Variants in KCNQ2 observed in about 807,000 individuals in gnomAD.
The protein encoded by KCNQ2 is potassium voltage-gated channel subfamily KQT member 2.
A neutral mutation model predicts 84.8 loss-of-function variants in KCNQ2; 14 were observed. The ratio of observed to expected loss-of-function variants is 0.17; its 90% CI spans 0.11 to 0.26. The LOEUF is 0.26. Among genes scored for constraint, KCNQ2 ranks in the 10% least tolerant of loss-of-function variants. KCNQ2 has a pLI of 1.00. For synonymous variants in KCNQ2, 599 were observed against 554.1 expected (o/e 1.08, Z -1.14); for missense variants, 788 against 1,254.0 (o/e 0.63, Z 5.61).
At chr20:63,456,726 C>T (rs1398904211) in intron 1 of KCNQ2, among the ~76,000 whole-genome samples, 1 of 152,216 alleles carries the variant, frequency 6.6e-6, no homozygotes, top group Non-Finnish European at 1.5e-5. Flanking sequence ...CAGAGGCCCA[C>T]GTGCGGATTG....
In KCNQ2 at chr20:63,400,443, G is replaced by C; in HGVS notation, c.*6201C>G. The C allele has an allele frequency of 2.5e-6, 1 of 397,122 alleles. No homozygotes were observed. Among genetic ancestry groups the C allele is most frequent in the Non-Finnish European group, 4.4e-6 (1 of 225,674 alleles). 24.6% of individuals were successfully genotyped at this position (397,122 alleles called of 1,614,324 possible). A position where few individuals can be genotyped will look rare whatever the true frequency, so the allele number is the denominator to read the frequency against. On this transcript the variant is annotated 3_prime_UTR_variant, in exon 17 of 17. Coordinates refer to ENST00000359125, the MANE Select transcript of KCNQ2 (RefSeq NM_172107.4). This position sits in a 1 kb window ranked among gnomAD's most constrained non-coding sequence, Gnocchi z 8.7. ...TTAGAAAACTAGAGTTCATTCCCTG[G>C]GCGTCTATCCCTAGAAAATGGACGG...
In KCNQ2 at chr20:63,436,934, G is replaced by A. The variant is rs142435747; in HGVS notation, c.1023+1691C>T. ...TGGGATTACAGGCGTGTGCCACCAC[G>A]CCCAGCTAATTTTTTTGTATTTTTA... is the stretch of plus-strand genomic sequence containing the variant. On this transcript the variant is annotated intron_variant, in intron 7 of 16. Transcript: ENST00000359125. Among the ~76,000 whole-genome samples the A allele has an allele frequency of 9.9e-3, 1,498 of 152,008 alleles. 29 individuals carry two copies. Among genetic ancestry groups the A allele is most frequent in the African/African-American group, 0.034 (1,404 of 41,414 alleles).
rs768000134 is a variant in KCNQ2, at chr20:63,415,119, C to T, written c.1309G>A (p.Val437Ile). The T allele has an allele frequency of 6.3e-7, 1 of 1,594,770 alleles. No individual in the cohort carries two copies. The change falls in exon 13 of 17, where the codon GTC (valine) becomes ATC (isoleucine). Residue 437 changes from valine to isoleucine, a missense_variant. By Grantham distance (29) the Val-to-Ile change is conservative. Coordinates refer to ENST00000359125, the MANE Select transcript of KCNQ2 (RefSeq NM_172107.4). ...GAGAAGACACGATCTTTCAAACTGA[C>T]CTTCTGGCTGCTCCCACGGGAACCG... ...GCCPGRSSQK[V>I]SLKDRVFSSP...
chr20:63,458,613 C>T (rs1403137313), intron 1 of KCNQ2, among the ~76,000 whole-genome samples: 2 of 152,232 alleles, frequency 1.3e-5, no homozygotes, highest in Non-Finnish European at 2.9e-5. Context: ...CCTGACCGAG[C>T]ACTGTCCCCC....
At chr20:63,418,411 T>C (rs1012931910) in intron 12 of KCNQ2, among the ~76,000 whole-genome samples, 1 of 152,170 alleles carries the variant, frequency 6.6e-6, no homozygotes. Context: ...AACAGGAGGC[T>C]GAGGAGCATC....
At chr20:63,430,097 G>C (rs1355978880) in intron 9 of KCNQ2, among the ~76,000 whole-genome samples, 1 of 152,228 alleles carries the variant, frequency 6.6e-6, no homozygotes, top group Non-Finnish European at 1.5e-5. Context: ...GCCCAGGTGA[G>C]AGACACACAC....
chr20:63,424,134 C>T (rs1337007585), intron 11 of KCNQ2, 43 bp downstream of exon 11: 50 of 1,551,310 alleles, frequency 3.2e-5, no homozygotes, highest in South Asian at 1.4e-4. Flanking sequence ...ACCAGACGGC[C>T]GTGCACACGG....
intron 12 of KCNQ2, among the ~76,000 whole-genome samples, 180 bp downstream of exon 12, chr20:63,419,439 C>T (rs2080398745): frequency 6.6e-6 from 1 of 152,236 alleles, no homozygotes; most frequent in Non-Finnish European, 1.5e-5. Flanking sequence ...CCCCCAGCTC[C>T]GCCCTGCACG....
intron 12 of KCNQ2, among the ~76,000 whole-genome samples, chr20:63,417,026 G>C (rs184860521): frequency 6.6e-6 from 1 of 152,208 alleles, no homozygotes; most frequent in Non-Finnish European, 1.5e-5. Flanking sequence ...GTCCCGAGGC[G>C]TCGCGTGCTT....
chr20:63,443,348 A>AT, intron 4 of KCNQ2, among the ~76,000 whole-genome samples: 6 of 141,474 alleles, frequency 4.2e-5, no homozygotes, highest in Admixed American at 1.4e-4. Flanking sequence ...CACCATCACC[A>AT]CCACCACCAC....
At chr20:63,439,822 G>A (rs958147189) in intron 5 of KCNQ2, 114 bp from the exon 6 acceptor site, 268 of 793,330 alleles carry the variant, frequency 3.4e-4, no homozygotes, top group Middle Eastern at 2.6e-3. Flanking sequence ...GGCCACCCCC[G>A]TGTCACCATC....
intron 1 of KCNQ2, chr20:63,471,864 G>C: frequency 2.8e-6 from 1 of 352,082 alleles, no homozygotes; most frequent in Non-Finnish European, 5.1e-6. Flanking sequence ...GTTCGGCGCA[G>C]AGGCCGCGGG....
Position 63,408,314 on chromosome 20 carries a change from C to A in KCNQ2, c.1887+99G>T. ...CATGTAAACCCTAGACTTGAGGAGCCCTCCGTGGCACCCAGCCCCTGAAGC... is the reference window on the plus strand; with the variant it reads ...CATGTAAACCCTAGACTTGAGGAGCACTCCGTGGCACCCAGCCCCTGAAGC... On this transcript the variant is annotated intron_variant, in intron 16 of 16. Transcript: ENST00000359125. The surrounding 1 kb of genome is among the most constrained non-coding windows in gnomAD (Gnocchi z 5.0). The A allele has an allele frequency of 6.8e-7, 1 of 1,469,896 alleles. No individual in the cohort carries two copies. Among genetic ancestry groups the A allele is most frequent in the Non-Finnish European group, 9.3e-7 (1 of 1,074,162 alleles). 91.1% of individuals were successfully genotyped at this position (1,469,896 alleles called of 1,614,324 possible).
chr20:63,430,314 G>A (rs1332893147), intron 9 of KCNQ2, among the ~76,000 whole-genome samples: 2 of 152,192 alleles, frequency 1.3e-5, no homozygotes, highest in Non-Finnish European at 2.9e-5. Context: ...GGGCAGCAGG[G>A]CCTCTGCAGA....
At chr20:63,445,647 C>T in intron 2 of KCNQ2, 2 of 421,436 alleles carry the variant, frequency 4.7e-6, no homozygotes, top group Non-Finnish European at 8.7e-6. Flanking sequence ...GGCTAGGGGA[C>T]CATGTCTGAG....
chr20:63,426,095 G>T (rs2080625015), intron 10 of KCNQ2, among the ~76,000 whole-genome samples: 1 of 152,216 alleles, frequency 6.6e-6, no homozygotes. Context: ...CACAGCTGAG[G>T]AGCGCCACCG....
rs1380961390 is a variant in KCNQ2, at chr20:63,405,685, C to T, written c.*959G>A. 3 of 152,352 alleles carry T rather than the reference C, an allele frequency of 2.0e-5. No homozygotes were observed. Among genetic ancestry groups the T allele is most frequent in the Non-Finnish European group, 4.4e-5 (3 of 68,150 alleles). The allele number at this position is 152,352 out of a possible 1,614,324, so 9.4% of individuals were successfully genotyped here. ...GGCTAAGAACTGTGAGGCCTGCTCACCAGGTGGGTCTCGCAGTGCCGGCAC... is the reference window on the plus strand; with the variant it reads ...GGCTAAGAACTGTGAGGCCTGCTCATCAGGTGGGTCTCGCAGTGCCGGCAC... On this transcript the variant is annotated 3_prime_UTR_variant, in exon 17 of 17. Coordinates refer to ENST00000359125, the MANE Select transcript of KCNQ2 (RefSeq NM_172107.4).
chr20:63,443,283 T>A (rs1246842899), intron 4 of KCNQ2, among the ~76,000 whole-genome samples: 1 of 28,828 alleles, frequency 3.5e-5, no homozygotes, highest in African/African-American at 1.6e-4. Context: ...ACCATCACCA[T>A]CACCATCATC....
chr20:63,442,974 C>T (rs1600772767), intron 4 of KCNQ2, among the ~76,000 whole-genome samples: 7 of 71,148 alleles, frequency 9.8e-5, no homozygotes, highest in Non-Finnish European at 8.7e-5. Context: ...ACCACCACCA[C>T]CATCACCACC....
Sources: allele counts gnomAD v4.1 joint callset (sites outside exome capture counted in the v4.1 genomes callset), GRCh38; gene constraint gnomAD v4.1.1; non-coding constraint Gnocchi (gnomAD v3.1); transcripts MANE v1.5; gene names NCBI Gene and HGNC (gene_info 2026-07-23, HGNC 2026-07-21).